Variants in FBXO27 observed in about 807,000 individuals in gnomAD.
FBXO27 encodes F-box protein 27, also known as F-box only protein 27.
In FBXO27, 28 loss-of-function variants were observed where a neutral mutation model predicts 28.3. That is an observed-to-expected ratio of 0.99 (90% CI 0.73 to 1.36). The LOEUF is 1.36. Among genes scored for constraint, FBXO27 ranks in the 40% most tolerant of loss-of-function variants. The pLI is 0.00. For synonymous variants in FBXO27, 175 were observed against 167.3 expected (o/e 1.05, Z -0.36); for missense variants, 388 against 394.1 (o/e 0.98, Z 0.13).
At chr19:39,016,592 G>A (rs371540893) in intron 1 of FBXO27, among the ~76,000 whole-genome samples, 148 of 112,256 alleles carry the variant, frequency 1.3e-3, no homozygotes, top group Middle Eastern at 5.0e-3. Context: ...TCTCTAATTT[G>A]AAAAAAAAAA....
chr19:39,006,567 GA>G (rs1167888634), intron 2 of FBXO27, among the ~76,000 whole-genome samples: 1 of 150,672 alleles, frequency 6.6e-6, no homozygotes, highest in Non-Finnish European at 1.5e-5. Context: ...CTCAAAAAAA[GA>G]AAAAGAAAAA....
chr19:39,022,299 C>T (rs2072849607), downstream of FBXO27, among the ~76,000 whole-genome samples: 1 of 151,076 alleles, frequency 6.6e-6, no homozygotes, highest in South Asian at 2.1e-4. Context: ...CCCACCACAC[C>T]CAGCTAATTT....
At chr19:39,022,031 A>C, downstream of FBXO27, among the ~76,000 whole-genome samples, 1 of 151,730 alleles carries the variant, frequency 6.6e-6, no homozygotes, top group African/African-American at 2.4e-5. Flanking sequence ...CAACTATATA[A>C]TATTTCCACA....
At chr19:39,017,071 T>G (rs1298883217) in intron 1 of FBXO27, among the ~76,000 whole-genome samples, 1 of 151,906 alleles carries the variant, frequency 6.6e-6, no homozygotes, top group Non-Finnish European at 1.5e-5. Flanking sequence ...GGTGAGAGTG[T>G]GAGATCCTGC....
chr19:39,022,029 T>C (rs2072847537), downstream of FBXO27, among the ~76,000 whole-genome samples: 1 of 152,030 alleles, frequency 6.6e-6, no homozygotes, highest in Non-Finnish European at 1.5e-5. Flanking sequence ...GTCAACTATA[T>C]AATATTTCCA....
intron 4 of FBXO27, 39 bp from the exon 5 acceptor site, chr19:39,027,044 C>T: frequency 6.2e-7 from 1 of 1,611,958 alleles, no homozygotes; most frequent in African/African-American, 1.3e-5. Context: ...GACCTGCCAC[C>T]CCATCTCTTT....
At chr19:39,031,547 C>G (rs2072903626) in intron 2 of FBXO27, 1 of 614,852 alleles carries the variant, frequency 1.6e-6, no homozygotes, top group Non-Finnish European at 2.8e-6. Context: ...ACCCCTCTCT[C>G]GGGCTCCCAG....
At chr19:39,027,169 G>A (rs540428357) in intron 4 of FBXO27, among the ~76,000 whole-genome samples, 164 bp from the exon 5 acceptor site, 11 of 152,154 alleles carry the variant, frequency 7.2e-5, no homozygotes, top group Non-Finnish European at 1.3e-4. Flanking sequence ...AGACAGGAGT[G>A]TCTTTGATGG....
downstream of FBXO27, among the ~76,000 whole-genome samples, chr19:39,022,146 C>CTTTTT (rs532602600): frequency 7.9e-5 from 7 of 89,058 alleles, no homozygotes; most frequent in African/African-American, 9.1e-5. Context: ...ATTTTCTATT[C>CTTTTT]TTTTTTTTTT....
downstream of FBXO27, among the ~76,000 whole-genome samples, chr19:39,019,081 AAAAGAAAG>A: frequency 3.2e-5 from 4 of 124,046 alleles, 1 homozygote; most frequent in Non-Finnish European, 5.6e-5. Flanking sequence ...AAAAAAAAAA[AAAAGAAAG>A]AAAGAAAATG....
intron 2 of FBXO27, 35 bp from the exon 3 acceptor site, chr19:39,031,355 G>A (rs1600229385): frequency 6.2e-7 from 1 of 1,605,780 alleles, no homozygotes; most frequent in Non-Finnish European, 8.5e-7. Context: ...CCAAGTTCCA[G>A]TCGCCCGCCT....
chr19:39,029,842 C>T (rs1787290398), intron 4 of FBXO27, among the ~76,000 whole-genome samples: 1 of 152,042 alleles, frequency 6.6e-6, no homozygotes, highest in Non-Finnish European at 1.5e-5. Context: ...CAGGGCAAGT[C>T]ATCTCCCCTT....
intron 5 of FBXO27, 39 bp downstream of exon 5, chr19:39,026,831 C>T (rs773943991): frequency 3.1e-6 from 5 of 1,612,104 alleles, no homozygotes; most frequent in Middle Eastern, 1.7e-4. Flanking sequence ...AGCAATAGGC[C>T]CCCAGCATCC....
At chr19:39,013,059 A>G (rs2072803566) in intron 2 of FBXO27, among the ~76,000 whole-genome samples, 1 of 152,212 alleles carries the variant, frequency 6.6e-6, no homozygotes, top group Non-Finnish European at 1.5e-5. Context: ...TCATCCAATG[A>G]ACTTCCTGCA....
intron 2 of FBXO27, among the ~76,000 whole-genome samples, chr19:39,006,546 C>T (rs1304999522): frequency 6.6e-6 from 1 of 150,684 alleles, no homozygotes; most frequent in African/African-American, 2.4e-5. Context: ...GCAACAAGAG[C>T]GAAACTCCTT....
chr19:39,032,332 A>C lies in FBXO27; in HGVS notation c.-26-79T>G. 7.4e-7 allele frequency: 1 copy of C among 1,349,984 alleles called. No individual in the cohort carries two copies. Among genetic ancestry groups the C allele is most frequent in the Non-Finnish European group, 9.5e-7 (1 of 1,053,254 alleles). The allele number at this position is 1,349,984 out of a possible 1,614,324, so 83.6% of individuals were successfully genotyped here. A position where few individuals can be genotyped will look rare whatever the true frequency, so the allele number is the denominator to read the frequency against. ...AGCCTCTGCCTGCCCTGATTCTGCC[A>C]GCCGCACCCCCGTCTTCACCATCCC... On this transcript the variant is annotated intron_variant, in intron 1 of 5. Transcript: ENST00000292853. This position sits in a 1 kb window ranked among gnomAD's most constrained non-coding sequence, Gnocchi z 4.7.
intron 1 of FBXO27, among the ~76,000 whole-genome samples, chr19:39,017,784 C>T (rs2072826785): frequency 6.6e-6 from 1 of 151,654 alleles, no homozygotes; most frequent in South Asian, 2.1e-4. Flanking sequence ...AAATTCAACA[C>T]TTAATAGTTG....
rs1346609747 is a variant in FBXO27, at chr19:39,025,333, T to C, written c.*78A>G. ...CAGGGAGGTACAAGTGCTTGGTTGG[T>C]TAATGAGGGGTCCCAGCCAATGGTC... is the stretch of plus-strand genomic sequence containing the variant. On this transcript the variant is annotated 3_prime_UTR_variant, in exon 6 of 6. Transcript: ENST00000292853. 9.2e-6 allele frequency: 14 copies of C among 1,527,712 alleles called. No individual in the cohort carries two copies. Among genetic ancestry groups the C allele is most frequent in the Non-Finnish European group, 1.1e-5 (12 of 1,131,218 alleles). 94.6% of individuals were successfully genotyped at this position (1,527,712 alleles called of 1,614,324 possible). A position where few individuals can be genotyped will look rare whatever the true frequency, so the allele number is the denominator to read the frequency against.
At position 39,031,316 on chromosome 19, in the gene FBXO27, G is replaced by T. The variant is rs1426977341; in HGVS notation, c.369C>A (p.Gly123=). The change falls in exon 3 of 6, where the codon GGC becomes GGA. Residue 123 remains glycine (G), a synonymous_variant. Transcript: ENST00000292853. The part of the protein sequence containing the change: ...NLIRNPCGQE[G]LRKWMVQHGG... ...CGTGTTGCACCATCCACTTTCGGAG[G>T]CCTTCTGTGAAATAAAAAAGGCTTG... The T allele has an allele frequency of 6.2e-7, 1 of 1,613,838 alleles. No homozygotes were observed. The highest frequency in any genetic ancestry group is 1.1e-5 in the South Asian group (1 of 91,074).
Sources: gnomAD v4.1 joint callset for allele counts (sites outside exome capture counted in the v4.1 genomes callset) on GRCh38, gnomAD v4.1.1 for gene constraint, Gnocchi (gnomAD v3.1) non-coding constraint, MANE v1.5 for transcripts, NCBI Gene and HGNC (gene_info 2026-07-23, HGNC 2026-07-21) for gene names.